CNTNAP2: variants seen among roughly 807,000 people sequenced by gnomAD.
The protein encoded by CNTNAP2 is contactin associated protein 2, also known as contactin-associated protein-like 2.
In CNTNAP2, 98 loss-of-function variants were observed where a neutral mutation model predicts 155.2. The observed-to-expected ratio is 0.63, with a 90% CI of 0.54 to 0.75. The LOEUF (loss-of-function observed/expected upper bound fraction) is 0.75, where lower values mean the gene tolerates loss of function less well. Among genes scored for constraint, CNTNAP2 ranks in the 30% least tolerant of loss-of-function variants. The probability of loss-of-function intolerance (pLI) is 0.00; values close to 1 mark genes in which losing one functional copy is unlikely to be tolerated. For missense variants in CNTNAP2, 1,727 were observed against 1,688.1 expected (o/e 1.02, Z -0.40); for synonymous variants, 651 against 631.2 (o/e 1.03, Z -0.47).
intron 3 of CNTNAP2, among the ~76,000 whole-genome samples, chr7:146,875,934 C>CAAAAAAAAAAAAAAAAAAA (rs56304234): frequency 7.3e-5 from 4 of 55,130 alleles, no homozygotes; most frequent in Non-Finnish European, 1.0e-4. Context: ...ACATACACAG[C>CAAAAAAAAAAAAAAAAAAA]AAAAAAAAAA....
intron 11 of CNTNAP2, among the ~76,000 whole-genome samples, chr7:147,556,992 A>G (rs945787968): frequency 1.3e-5 from 2 of 152,164 alleles, no homozygotes; most frequent in African/African-American, 2.4e-5. Flanking sequence ...TCACACCTGT[A>G]ATCCCAGCAC....
chr7:148,311,934 A>G (rs1009403607), intron 21 of CNTNAP2, among the ~76,000 whole-genome samples: 4 of 152,188 alleles, frequency 2.6e-5, no homozygotes, highest in African/African-American at 4.8e-5. Context: ...GCCGGATTGA[A>G]GTCTGGGCCA....
chr7:146,558,774 C>T (rs931259156), intron 1 of CNTNAP2, among the ~76,000 whole-genome samples: 10 of 152,176 alleles, frequency 6.6e-5, no homozygotes, highest in Admixed American at 6.5e-4. Context: ...TCTCCTGATC[C>T]CACCCCTGGC....
In CNTNAP2 at chr7:147,141,981, G is replaced by T. The variant is rs1290600220; in HGVS notation, c.1348+9472G>T. ...GCTTAAGGAGATTTTGGGCTGAGAT[G>T]ATGGGGTTTTCTAGATACACAATCA... On this transcript the variant is annotated intron_variant, in intron 8 of 23. Transcript: ENST00000361727. 2.6e-5 allele frequency among the ~76,000 whole-genome samples: 4 copies of T among 152,162 alleles called. No individual in the cohort carries two copies. The East Asian group carries it at 7.7e-4, about 29-fold the overall frequency.
Position 146,150,100 on chromosome 7 carries a change from T to C in CNTNAP2, c.97+33127T>C, listed in dbSNP as rs139719281. Among the ~76,000 whole-genome samples the C allele has an allele frequency of 9.0e-3, 1,373 of 152,026 alleles. 72 individuals carry two copies. Among genetic ancestry groups the C allele is most frequent in the Admixed American group, 0.076 (1,155 of 15,238 alleles). On this transcript the variant is annotated intron_variant, in intron 1 of 23. Transcript: ENST00000361727. The stretch of plus-strand genomic sequence containing the variant: ...TTGTAAACAGACAACACAGTAAAAA[T>C]GGGGGAAAGATTTGCACTGTTTACA...
rs138029482 is a variant in CNTNAP2 at position 146,937,505 on chromosome 7, A to T, written c.402+97601A>T. Among the ~76,000 whole-genome samples, 399 of 152,286 alleles carry T rather than the reference A, an allele frequency of 2.6e-3. 1 individual carries two copies. The highest frequency in any genetic ancestry group is 8.2e-3 in the African/African-American group (339 of 41,572). On this transcript the variant is annotated intron_variant, in intron 3 of 23. Transcript: ENST00000361727. ...TTTCTTTATTTCTGTTAAGAAGAGGAAACCTTGCTATGGGTAGTGCTTTTC... is the reference window on the plus strand; with the variant it reads ...TTTCTTTATTTCTGTTAAGAAGAGGTAACCTTGCTATGGGTAGTGCTTTTC...
chr7:147,128,470 C>CT (rs1301964279), intron 6 of CNTNAP2, among the ~76,000 whole-genome samples: 1 of 151,700 alleles, frequency 6.6e-6, no homozygotes, highest in Non-Finnish European at 1.5e-5. Flanking sequence ...AGGATCATTG[C>CT]TTTTTTTTGT....
At chr7:147,484,302 G>C (rs890291187) in intron 10 of CNTNAP2, among the ~76,000 whole-genome samples, 1 of 152,052 alleles carries the variant, frequency 6.6e-6, no homozygotes, top group Non-Finnish European at 1.5e-5. Flanking sequence ...TTTCCCCAAT[G>C]TTCTTCCTCT....
rs61056760 is a variant in CNTNAP2, at chr7:146,356,641, T to C, written c.97+239668T>C. Among the ~76,000 whole-genome samples the C allele has an allele frequency of 5.5e-3, 840 of 152,252 alleles. 7 individuals are homozygous for C. The highest frequency in any genetic ancestry group is 0.019 in the African/African-American group (802 of 41,558). ...TATTAAGAAAGAAAATGATGCAAAA[T>C]GGATAAATGTGACCATTTTGTTTTA... On this transcript the variant is annotated intron_variant, in intron 1 of 23. Transcript: ENST00000361727.
At chr7:146,514,977 G>C (rs1172907080) in intron 1 of CNTNAP2, among the ~76,000 whole-genome samples, 1 of 151,916 alleles carries the variant, frequency 6.6e-6, no homozygotes, top group African/African-American at 2.4e-5. Context: ...AAAAGCTTGG[G>C]GTGCTGCTTT....
At position 148,415,662 on chromosome 7, in the gene CNTNAP2, G is replaced by T. The variant is rs367763056; in HGVS notation, c.*46G>T. On this transcript the variant is annotated 3_prime_UTR_variant, in exon 24 of 24. Transcript: ENST00000361727. The stretch of plus-strand genomic sequence containing the variant: ...GGATAGGGAGGAGGGAATTACTAGG[G>T]AGGAGAGAAAGGGACAAAAGCACCC... 5.0e-6 allele frequency: 8 copies of T among 1,610,802 alleles called. No individual in the cohort carries two copies. Among genetic ancestry groups the T allele is most frequent in the Non-Finnish European group, 5.9e-6 (7 of 1,177,786 alleles).
At chr7:147,721,242 T>C (rs2117027718) in intron 13 of CNTNAP2, among the ~76,000 whole-genome samples, 1 of 152,200 alleles carries the variant, frequency 6.6e-6, no homozygotes, top group South Asian at 2.1e-4. Context: ...TTTTGGGTTT[T>C]CCTGTATATT....
chr7:147,273,241 T>C (rs1345567651), intron 8 of CNTNAP2, among the ~76,000 whole-genome samples: 1 of 152,174 alleles, frequency 6.6e-6, no homozygotes, highest in African/African-American at 2.4e-5. Flanking sequence ...CTGGGTTTTG[T>C]TTGTGTTGTT....
At chr7:147,503,728 G>A (rs1256810005) in intron 11 of CNTNAP2, among the ~76,000 whole-genome samples, 1 of 151,252 alleles carries the variant, frequency 6.6e-6, no homozygotes, top group African/African-American at 2.4e-5. Flanking sequence ...TCTGTGTAAT[G>A]TCTCTGGTAT....
intron 1 of CNTNAP2, among the ~76,000 whole-genome samples, chr7:146,650,903 G>T (rs957320854): frequency 2.6e-5 from 4 of 152,176 alleles, no homozygotes; most frequent in East Asian, 1.9e-4. Flanking sequence ...CACCTGTATC[G>T]CAACTATTCA....
At chr7:146,517,255 A>T (rs1234571117) in intron 1 of CNTNAP2, among the ~76,000 whole-genome samples, 5 of 151,970 alleles carry the variant, frequency 3.3e-5, no homozygotes, top group Non-Finnish European at 5.9e-5. Context: ...TTTCAGATCC[A>T]CTGGGGGTCT....
intron 1 of CNTNAP2, among the ~76,000 whole-genome samples, chr7:146,309,029 G>A (rs1292841294): frequency 1.3e-5 from 2 of 151,992 alleles, no homozygotes; most frequent in Non-Finnish European, 2.9e-5. Context: ...GCAAACAACA[G>A]ACTATCTTTT....
At chr7:148,005,854 T>C (rs954128125) in intron 15 of CNTNAP2, among the ~76,000 whole-genome samples, 2 of 152,182 alleles carry the variant, frequency 1.3e-5, no homozygotes, top group Non-Finnish European at 2.9e-5. Context: ...GACCTTTGTT[T>C]TGATTCAGTT....
At chr7:147,201,509 A>G (rs1353613426) in intron 8 of CNTNAP2, among the ~76,000 whole-genome samples, 1 of 151,884 alleles carries the variant, frequency 6.6e-6, no homozygotes, top group African/African-American at 2.4e-5. Flanking sequence ...TGGTTTCTGC[A>G]GTTACACTAC....
Sources: gnomAD v4.1 joint callset for allele counts (sites outside exome capture counted in the v4.1 genomes callset) on GRCh38, gnomAD v4.1.1 for gene constraint, MANE v1.5 for transcripts, NCBI Gene and HGNC (gene_info 2026-07-23, HGNC 2026-07-21) for gene names.